The following PRDM10 variants were observed in gnomAD, a reference collection of about 807,000 sequenced individuals.
The protein encoded by PRDM10 is PR domain zinc finger protein 10.
A neutral mutation model predicts 133.1 loss-of-function variants in PRDM10; 65 were observed. The ratio of observed to expected loss-of-function variants is 0.49; its 90% CI spans 0.40 to 0.60. The LOEUF (loss-of-function observed/expected upper bound fraction) is 0.60. Ranked by LOEUF, PRDM10 falls within the 20% of genes least tolerant of loss-of-function variation. PRDM10 has a pLI of 0.00. For synonymous variants in PRDM10, 582 were observed against 580.4 expected (o/e 1.00, Z -0.04); for missense variants, 1,137 against 1,507.1 (o/e 0.75, Z 4.07).
intron 3 of PRDM10, among the ~76,000 whole-genome samples, chr11:129,956,557 C>CT (rs1414063755): frequency 6.6e-6 from 1 of 151,964 alleles, no homozygotes; most frequent in Non-Finnish European, 1.5e-5. Context: ...GAGCAAGACT[C>CT]TGTCTCAAAA....
intron 1 of PRDM10, among the ~76,000 whole-genome samples, chr11:129,973,762 A>G (rs1386525722): frequency 6.6e-6 from 1 of 152,344 alleles, no homozygotes; most frequent in East Asian, 1.9e-4. Context: ...TAAAAAAATC[A>G]TGGTACTTGA....
chr11:129,957,346 T>C (rs759901502), intron 3 of PRDM10, among the ~76,000 whole-genome samples: 1 of 151,740 alleles, frequency 6.6e-6, no homozygotes, highest in Non-Finnish European at 1.5e-5. Context: ...TGAGACAGAG[T>C]TTTGCTCTGT....
chr11:129,954,933 A>G (rs11824748), intron 4 of PRDM10, among the ~76,000 whole-genome samples: 6,782 of 152,316 alleles, frequency 0.045, 226 homozygotes, highest in East Asian at 0.12. Context: ...TGCTGGGATT[A>G]TAGGCATGAG....
chr11:129,976,741 T>G (rs1038730161), intron 1 of PRDM10, among the ~76,000 whole-genome samples: 2 of 152,230 alleles, frequency 1.3e-5, no homozygotes, highest in African/African-American at 4.8e-5. Context: ...AACAAATAAT[T>G]TTAGAACTCA....
intron 1 of PRDM10, among the ~76,000 whole-genome samples, chr11:129,994,945 G>A (rs535312403): frequency 6.6e-6 from 1 of 152,236 alleles, no homozygotes; most frequent in South Asian, 2.1e-4. Flanking sequence ...GAGCCACTGC[G>A]CCTGGCCAAC....
At chr11:129,983,819 G>A (rs999049412) in intron 1 of PRDM10, among the ~76,000 whole-genome samples, 2 of 152,118 alleles carry the variant, frequency 1.3e-5, no homozygotes, top group African/African-American at 4.8e-5. Flanking sequence ...TAGCCTAGAG[G>A]AAAGCAACAT....
intron 6 of PRDM10, among the ~76,000 whole-genome samples, chr11:129,943,801 T>C (rs1011664324): frequency 2.0e-5 from 3 of 152,076 alleles, no homozygotes; most frequent in Non-Finnish European, 4.4e-5. Flanking sequence ...AAGACCATCC[T>C]GGCTAACATG....
chr11:129,909,867 G>A (rs1221939879), intron 19 of PRDM10, among the ~76,000 whole-genome samples: 2 of 152,180 alleles, frequency 1.3e-5, no homozygotes, highest in African/African-American at 4.8e-5. Flanking sequence ...GCACAGTGGG[G>A]TGGTTTAGAG....
At position 129,902,114 on chromosome 11, in the gene PRDM10, A is replaced by G. The variant is rs1949857764; in HGVS notation, c.*199T>C. On this transcript the variant is annotated 3_prime_UTR_variant, in exon 21 of 21. Coordinates refer to ENST00000360871, the MANE Select transcript of PRDM10 (RefSeq NM_199437.2). ...CTGAAAGATCTCTGTTCTGTGGCAA[A>G]AACCGAGGGTTTGAAGAGTCAATTT... The G allele has an allele frequency of 2.9e-6, 2 of 692,694 alleles. No individual in the cohort carries two copies. Among genetic ancestry groups the G allele is most frequent in the East Asian group, 5.8e-5 (2 of 34,192 alleles). The allele number at this position is 692,694 out of a possible 1,614,324, so 42.9% of individuals were successfully genotyped here. A position where few individuals can be genotyped will look rare whatever the true frequency, so the allele number is the denominator to read the frequency against.
In PRDM10 at chr11:129,947,344, C is replaced by T; in HGVS notation, c.321G>A (p.Val107=). ...CATCTACACTCTCGATGGAAGGCAG[C>T]ACCTGGTTATGAACTGGCAATGAGG... The part of the protein sequence containing the change: ...QQASLPVHNQ[V]LPSIESVDGS... The change falls in exon 5 of 21, where the codon GTG becomes GTA. Residue 107 remains valine, a synonymous_variant. Coordinates refer to ENST00000360871, the MANE Select transcript of PRDM10 (RefSeq NM_199437.2). This position sits in a 1 kb window ranked among gnomAD's most constrained non-coding sequence, Gnocchi z 4.6. 6.2e-7 allele frequency: 1 copy of T among 1,614,202 alleles called. No individual in the cohort carries two copies. Among genetic ancestry groups the T allele is most frequent in the Non-Finnish European group, 8.5e-7 (1 of 1,180,048 alleles).
In PRDM10 at chr11:129,932,197, G is replaced by T; in HGVS notation, c.1192C>A (p.Arg398=). 6.2e-7 allele frequency: 1 copy of T among 1,614,050 alleles called. No individual in the cohort carries two copies. The highest frequency in any genetic ancestry group is 1.1e-5 in the South Asian group (1 of 91,066). ...CCCGGCCGTCGACCTGGACCGAATC[G>T]CCTCTTGCCTCGTCCCCTTCCTCTG... The part of the protein sequence containing the change: ...RGRGRGRGKR[R]FGPGRRPGRP... The change falls in exon 10 of 21, where the codon CGA becomes AGA. Residue 398 remains arginine, a synonymous_variant. Coordinates refer to ENST00000360871, the MANE Select transcript of PRDM10 (RefSeq NM_199437.2).
At chr11:129,944,290 T>A (rs544102877) in intron 6 of PRDM10, among the ~76,000 whole-genome samples, 3 of 152,192 alleles carry the variant, frequency 2.0e-5, no homozygotes, top group Admixed American at 1.3e-4. Flanking sequence ...TATAACGCCT[T>A]CAGGCACTAA....
chr11:129,915,922 AACT>A, intron 15 of PRDM10, 62 bp from the exon 16 acceptor site: 1 of 633,582 alleles, frequency 1.6e-6, no homozygotes. Flanking sequence ...GCTTAAAGCA[AACT>A]AACAATTTCA....
intron 7 of PRDM10, among the ~76,000 whole-genome samples, chr11:129,941,414 G>C (rs1330967858): frequency 6.6e-6 from 1 of 152,120 alleles, no homozygotes; most frequent in Admixed American, 6.5e-5. Flanking sequence ...TATGAAATCA[G>C]AAGTCGGCAC....
chr11:129,923,446 C>T lies in PRDM10; in HGVS notation c.1879-43G>A. Reference sequence around the variant, plus strand: ...AGGAAAATTCAGGGGACGCAGGCACCAAATGAAATGACCAAAGGCAGCTTG... The same window carrying T: ...AGGAAAATTCAGGGGACGCAGGCACTAAATGAAATGACCAAAGGCAGCTTG... On this transcript the variant is annotated intron_variant, in intron 12 of 20. Transcript: ENST00000360871. The surrounding 1 kb of genome is among the most constrained non-coding windows in gnomAD (Gnocchi z 4.4). 1 of 1,568,932 alleles carries T rather than the reference C, an allele frequency of 6.4e-7. No homozygotes were observed. Among genetic ancestry groups the T allele is most frequent in the Non-Finnish European group, 8.6e-7 (1 of 1,156,842 alleles).
intron 17 of PRDM10, among the ~76,000 whole-genome samples, chr11:129,912,755 A>T (rs978994920): frequency 5.4e-5 from 8 of 148,266 alleles, no homozygotes; most frequent in African/African-American, 2.0e-4. Context: ...CCATCTCGAA[A>T]AAAAAAAAAA....
intron 1 of PRDM10, among the ~76,000 whole-genome samples, chr11:129,977,481 A>T (rs1305070264): frequency 6.6e-6 from 1 of 152,038 alleles, no homozygotes; most frequent in Non-Finnish European, 1.5e-5. Context: ...ACTGGGTTTC[A>T]CCATGTTGGC....
chr11:129,942,617 T>C lies in PRDM10; in HGVS notation c.775A>G (p.Lys259Glu), dbSNP rs1301403143. 6.2e-7 allele frequency: 1 copy of C among 1,612,880 alleles called. No individual in the cohort carries two copies. The highest frequency in any genetic ancestry group is 1.7e-5 in the Admixed American group (1 of 59,838). ...CYIHLKVSLD[K>E]GDRKERDLHE... ...AAATCCCTTTCTTTCCTGTCCCCTT[T>C]ATCAAGAGAAACCTGCACGAAAAAA... Residue 259 changes from lysine to glutamate, a missense_variant, in exon 7 of 21, where the codon AAA becomes GAA. Transcript: ENST00000360871.
At chr11:129,999,944 T>C (rs1444160650) in intron 1 of PRDM10, among the ~76,000 whole-genome samples, 1 of 152,180 alleles carries the variant, frequency 6.6e-6, no homozygotes, top group Non-Finnish European at 1.5e-5. Context: ...TGTACAAATA[T>C]TTTATACACA....
Sources: gnomAD v4.1 joint callset for allele counts (sites outside exome capture counted in the v4.1 genomes callset) on GRCh38, gnomAD v4.1.1 for gene constraint, Gnocchi (gnomAD v3.1) non-coding constraint, MANE v1.5 for transcripts, NCBI Gene and HGNC (gene_info 2026-07-23, HGNC 2026-07-21) for gene names.